KSR2: variants seen among roughly 807,000 people sequenced by gnomAD.
KSR2 encodes the protein kinase suppressor of ras 2.
A neutral mutation model predicts 107.8 loss-of-function variants in KSR2; 25 were observed. That is an observed-to-expected ratio of 0.23 (90% CI 0.17 to 0.32). The LOEUF (loss-of-function observed/expected upper bound fraction) is 0.32, where lower values mean the gene tolerates loss of function less well. KSR2 is among the 10% of genes least tolerant of loss of function. The pLI, the probability that KSR2 is intolerant of heterozygous loss-of-function variation, is 1.00. For synonymous variants in KSR2, 480 were observed against 507.0 expected, an observed-to-expected ratio of 0.95 and a Z score of 0.71; for missense variants, 887 against 1,268.9, an observed-to-expected ratio of 0.70 and a Z score of 4.57.
intron 7 of KSR2, among the ~76,000 whole-genome samples, chr12:117,568,473 G>A (rs550948845): frequency 2.6e-4 from 39 of 152,242 alleles, no homozygotes; most frequent in African/African-American, 7.0e-4. Context: ...CCCTTTGCCC[G>A]TGTAAAGCGG....
intron 1 of KSR2, among the ~76,000 whole-genome samples, chr12:117,865,336 T>C (rs1358322894): frequency 6.6e-6 from 1 of 152,208 alleles, no homozygotes; most frequent in Admixed American, 6.5e-5. Flanking sequence ...ACTTACATCA[T>C]TGGCAATATC....
chr12:117,568,589 C>T (rs972551534), intron 7 of KSR2, among the ~76,000 whole-genome samples: 1 of 152,126 alleles, frequency 6.6e-6, no homozygotes, highest in African/African-American at 2.4e-5. Context: ...CCTCTGTTTC[C>T]TCGTCTGTAA....
intron 4 of KSR2, among the ~76,000 whole-genome samples, chr12:117,739,346 C>T (rs936905301): frequency 3.3e-5 from 5 of 152,192 alleles, no homozygotes; most frequent in Non-Finnish European, 7.3e-5. Context: ...CAGAGCAAGA[C>T]TCCGCCTCAA....
At chr12:117,562,827 T>G (rs992000997) in intron 7 of KSR2, among the ~76,000 whole-genome samples, 1 of 152,080 alleles carries the variant, frequency 6.6e-6, no homozygotes, top group Admixed American at 6.5e-5. Context: ...TGGGCAGCAT[T>G]AGCAGTGGAA....
chr12:117,619,544 T>C (rs1347279514), intron 5 of KSR2, among the ~76,000 whole-genome samples: 1 of 151,956 alleles, frequency 6.6e-6, no homozygotes, highest in Non-Finnish European at 1.5e-5. Context: ...CATGAATTCA[T>C]CATTTTTTAT....
intron 14 of KSR2, among the ~76,000 whole-genome samples, chr12:117,498,884 G>A (rs1455688156): frequency 1.3e-5 from 2 of 152,238 alleles, no homozygotes; most frequent in African/African-American, 4.8e-5. Flanking sequence ...GGAACTGTGA[G>A]TCCATTAAAT....
intron 4 of KSR2, among the ~76,000 whole-genome samples, chr12:117,759,149 G>A (rs1317135680): frequency 1.3e-5 from 2 of 152,202 alleles, no homozygotes; most frequent in Non-Finnish European, 2.9e-5. Context: ...AAAATCACAT[G>A]TTCCACGTCA....
chr12:117,568,085 G>A (rs1374578717), intron 7 of KSR2, among the ~76,000 whole-genome samples: 1 of 152,262 alleles, frequency 6.6e-6, no homozygotes, highest in Non-Finnish European at 1.5e-5. Flanking sequence ...GGGTTCCAAG[G>A]ACATCATGAA....
At chr12:117,900,841 A>G (rs1411894994) in intron 1 of KSR2, among the ~76,000 whole-genome samples, 2 of 152,190 alleles carry the variant, frequency 1.3e-5, no homozygotes, top group Non-Finnish European at 2.9e-5. Context: ...TCTGGATTGC[A>G]TGGATATTTG....
At chr12:117,928,864 T>C (rs1895614366) in intron 1 of KSR2, among the ~76,000 whole-genome samples, 1 of 142,252 alleles carries the variant, frequency 7.0e-6, no homozygotes, top group South Asian at 2.3e-4. Flanking sequence ...GAGCCAGAGA[T>C]TGGCTACGAC....
intron 3 of KSR2, among the ~76,000 whole-genome samples, chr12:117,762,570 A>C (rs1260013701): frequency 2.0e-5 from 3 of 152,176 alleles, no homozygotes; most frequent in Non-Finnish European, 4.4e-5. Flanking sequence ...TGACGTGATA[A>C]AAAGAATATG....
intron 4 of KSR2, among the ~76,000 whole-genome samples, chr12:117,711,312 C>G (rs1453978988): frequency 6.6e-6 from 1 of 152,216 alleles, no homozygotes; most frequent in Non-Finnish European, 1.5e-5. Flanking sequence ...TCAGAAGGAT[C>G]AGAAGGAGTC....
At chr12:117,469,153 T>C (rs1283705165) in intron 19 of KSR2, among the ~76,000 whole-genome samples, 1 of 152,182 alleles carries the variant, frequency 6.6e-6, no homozygotes, top group Non-Finnish European at 1.5e-5. Context: ...GAGCATGGTC[T>C]GGAGCCTCTT....
At chr12:117,556,905 A>G (rs816187) in intron 8 of KSR2, among the ~76,000 whole-genome samples, 78,581 of 152,072 alleles carry the variant, frequency 0.52, 20,548 homozygotes, top group Middle Eastern at 0.57. Flanking sequence ...GGTGGCTCAC[A>G]CCTGTAATCC....
intron 13 of KSR2, 84 bp downstream of exon 13, chr12:117,526,987 C>T: frequency 8.7e-7 from 1 of 1,153,916 alleles, no homozygotes; most frequent in East Asian, 2.3e-5. Context: ...CCCAAGCCCT[C>T]TGCGTCATCC....
At chr12:117,640,475 T>C (rs1883306496) in intron 5 of KSR2, among the ~76,000 whole-genome samples, 1 of 152,154 alleles carries the variant, frequency 6.6e-6, no homozygotes, top group African/African-American at 2.4e-5. Context: ...GGTCTCAAAC[T>C]TCTGACCTCA....
intron 14 of KSR2, 99 bp from the exon 15 acceptor site, chr12:117,485,790 G>T: frequency 1.0e-5 from 8 of 781,798 alleles, no homozygotes; most frequent in Non-Finnish European, 1.6e-5. Context: ...TAGACACGTG[G>T]ACATGCCACT....
intron 16 of KSR2, among the ~76,000 whole-genome samples, chr12:117,480,960 G>T (rs902521611): frequency 3.3e-4 from 50 of 152,268 alleles, no homozygotes; most frequent in African/African-American, 1.1e-3. Flanking sequence ...ACCTTGAAAG[G>T]CTGAGGTAGG....
intron 4 of KSR2, among the ~76,000 whole-genome samples, chr12:117,746,798 C>T (rs996469383): frequency 2.2e-4 from 30 of 138,322 alleles, no homozygotes; most frequent in African/African-American, 8.8e-4. Context: ...GAAAAGAAGA[C>T]ATTTATGCAG....
Sources: gnomAD v4.1 joint callset for allele counts (sites outside exome capture counted in the v4.1 genomes callset) on GRCh38, gnomAD v4.1.1 for gene constraint, MANE v1.5 for transcripts, NCBI Gene and HGNC (gene_info 2026-07-23, HGNC 2026-07-21) for gene names.